The following EML6 variants were observed in gnomAD, a reference collection of about 807,000 sequenced individuals.
The protein encoded by EML6 is echinoderm microtubule-associated protein-like 6.
A neutral mutation model predicts 240.1 loss-of-function variants in EML6; 154 were observed. The observed-to-expected ratio is 0.64, with a 90% CI of 0.56 to 0.73. The LOEUF (loss-of-function observed/expected upper bound fraction) is 0.73, where lower values mean the gene tolerates loss of function less well. EML6 is among the 30% of genes least tolerant of loss of function. EML6 has a pLI of 0.00. For missense variants in EML6, 2,964 were observed against 2,474.6 expected (o/e 1.20, Z -4.20); for synonymous variants, 1,148 against 899.0 (o/e 1.28, Z -4.95).
intron 31 of EML6, among the ~76,000 whole-genome samples, chr2:54,952,944 T>C (rs1414400303): frequency 6.6e-6 from 1 of 152,136 alleles, no homozygotes; most frequent in Non-Finnish European, 1.5e-5. Flanking sequence ...CCCTGTGGAC[T>C]TGTAAGAATA....
chr2:54,769,741 C>T (rs993139965), intron 2 of EML6, among the ~76,000 whole-genome samples: 2 of 152,154 alleles, frequency 1.3e-5, no homozygotes, highest in Admixed American at 6.5e-5. Flanking sequence ...GTGATTAGAA[C>T]ATTTCACATA....
chr2:54,742,638 G>A (rs1334832330), intron 2 of EML6, among the ~76,000 whole-genome samples: 1 of 152,100 alleles, frequency 6.6e-6, no homozygotes, highest in Non-Finnish European at 1.5e-5. Context: ...AAAAAGCTAG[G>A]GCTTCAGTGC....
chr2:54,781,974 A>G (rs1668875262), intron 2 of EML6, among the ~76,000 whole-genome samples: 1 of 152,122 alleles, frequency 6.6e-6, no homozygotes, highest in African/African-American at 2.4e-5. Context: ...TGGACTACAA[A>G]TATATCTTTT....
At chr2:54,788,224 G>C (rs1167213552) in intron 2 of EML6, among the ~76,000 whole-genome samples, 2 of 152,232 alleles carry the variant, frequency 1.3e-5, no homozygotes, top group African/African-American at 4.8e-5. Flanking sequence ...GGTTCCAGAT[G>C]GCTCCCGCTT....
chr2:54,843,028 GTT>G (rs921919935), intron 7 of EML6, among the ~76,000 whole-genome samples: 2 of 152,142 alleles, frequency 1.3e-5, no homozygotes, highest in African/African-American at 4.8e-5. Context: ...TATTAAACTT[GTT>G]TAATATGATC....
chr2:54,916,328 T>C (rs1485945342), intron 25 of EML6, among the ~76,000 whole-genome samples: 1 of 152,210 alleles, frequency 6.6e-6, no homozygotes, highest in Non-Finnish European at 1.5e-5. Context: ...GGTATGCTAC[T>C]GGCATCCAGT....
intron 11 of EML6, among the ~76,000 whole-genome samples, chr2:54,856,523 G>C (rs1352703699): frequency 6.6e-6 from 1 of 152,220 alleles, no homozygotes; most frequent in Non-Finnish European, 1.5e-5. Flanking sequence ...CCCATGATGA[G>C]TGTCCTGAAT....
At chr2:54,895,774 G>C (rs1385568994) in intron 21 of EML6, among the ~76,000 whole-genome samples, 7 of 152,122 alleles carry the variant, frequency 4.6e-5, no homozygotes, top group Non-Finnish European at 7.3e-5. Flanking sequence ...AGGACTAAAG[G>C]CTTTTTTTTT....
chr2:54,874,657 C>T (rs1242243291), intron 16 of EML6, among the ~76,000 whole-genome samples: 2 of 152,094 alleles, frequency 1.3e-5, no homozygotes, highest in African/African-American at 4.8e-5. Flanking sequence ...TTGACTGATA[C>T]GTGATTCATT....
chr2:54,891,192 G>A, intron 18 of EML6, 38 bp downstream of exon 18: 1 of 1,032,318 alleles, frequency 9.7e-7, no homozygotes, highest in Non-Finnish European at 1.4e-6. Context: ...GTGATTGAGA[G>A]CTTTACCCTA....
chr2:54,800,498 C>T (rs917498327), intron 2 of EML6, among the ~76,000 whole-genome samples: 1 of 152,068 alleles, frequency 6.6e-6, no homozygotes, highest in African/African-American at 2.4e-5. Context: ...CTAAAATAAT[C>T]GGTCTTCAGA....
At chr2:54,730,109 C>G (rs1683088113) in intron 2 of EML6, among the ~76,000 whole-genome samples, 1 of 151,246 alleles carries the variant, frequency 6.6e-6, no homozygotes, top group Non-Finnish European at 1.5e-5. Context: ...GCACTCCAGC[C>G]TGGGCGACAA....
rs2104352516 is a variant in EML6, at chr2:54,724,601, T to G, written c.-461T>G. On this transcript the variant is annotated 5_prime_UTR_variant, in exon 2 of 42. Transcript: ENST00000356458. This position sits in a 1 kb window ranked among gnomAD's most constrained non-coding sequence, Gnocchi z 5.2. ...GATGGCAGAGCTCACCCGGGTTGCC[T>G]GTCAAATCAAGGCTATCGCAGAATA... 1 of 152,332 alleles carries G rather than the reference T, an allele frequency of 6.6e-6. No individual in the cohort carries two copies. Among genetic ancestry groups the G allele is most frequent in the Middle Eastern group, 3.4e-3 (1 of 296 alleles). The allele number at this position is 152,332 out of a possible 1,614,324, so 9.4% of individuals were successfully genotyped here. A position where few individuals can be genotyped will look rare whatever the true frequency, so the allele number is the denominator to read the frequency against.
chr2:54,822,605 T>G (rs1035504614), intron 5 of EML6, among the ~76,000 whole-genome samples: 1 of 152,212 alleles, frequency 6.6e-6, no homozygotes, highest in Non-Finnish European at 1.5e-5. Context: ...TGGGAAATAT[T>G]CAAAATCTAT....
intron 11 of EML6, among the ~76,000 whole-genome samples, chr2:54,854,427 T>C (rs1670262049): frequency 6.6e-6 from 1 of 152,226 alleles, no homozygotes; most frequent in Admixed American, 6.5e-5. Flanking sequence ...TTGACTTCAG[T>C]TATGTGGCAC....
At chr2:54,933,433 T>C (rs1268983885) in intron 28 of EML6, among the ~76,000 whole-genome samples, 1 of 152,136 alleles carries the variant, frequency 6.6e-6, no homozygotes, top group Non-Finnish European at 1.5e-5. Context: ...ATGGCCCCAT[T>C]TAAAACTATT....
At chr2:54,842,037 G>T (rs759786853) in intron 7 of EML6, among the ~76,000 whole-genome samples, 1 of 151,948 alleles carries the variant, frequency 6.6e-6, no homozygotes, top group Non-Finnish European at 1.5e-5. Context: ...CACCAGAGTG[G>T]TACATTTGTT....
chr2:54,828,723 CATT>C (rs1327227586), intron 6 of EML6, among the ~76,000 whole-genome samples: 1 of 152,200 alleles, frequency 6.6e-6, no homozygotes, highest in African/African-American at 2.4e-5. Flanking sequence ...CTTATGTCAA[CATT>C]ATATTCTTGC....
Position 54,961,184 on chromosome 2 carries a change from G to GTTGTTTTTTTTTTTGTTTTTTTTTTT in EML6, c.4968+852_4968+853insGTTTTTTTTTTTGTTTTTTTTTTTTT. On this transcript the variant is annotated intron_variant, in intron 35 of 41. Coordinates refer to ENST00000356458, the MANE Select transcript of EML6 (RefSeq NM_001039753.4). Reference sequence around the variant, plus strand: ...GGAGCCTGGAAGTTATCAGGAAGTAGTTTTTTTTTTTTTTTTTTTGAGACG... The same window carrying GTTGTTTTTTTTTTTGTTTTTTTTTTT: ...GGAGCCTGGAAGTTATCAGGAAGTAGTTGTTTTTTTTTTTGTTTTTTTTTTTTTTTTTTTTTTTTTTTTTTGAGACG... Among the ~76,000 whole-genome samples, 9 of 55,422 alleles carry GTTGTTTTTTTTTTTGTTTTTTTTTTT rather than the reference G, an allele frequency of 1.6e-4. 2 individuals are homozygous for GTTGTTTTTTTTTTTGTTTTTTTTTTT. The highest frequency in any genetic ancestry group is 2.5e-4 in the Non-Finnish European group (8 of 31,668). 36.4% of individuals were successfully genotyped at this position (55,422 alleles called of 152,430 possible). A position where few individuals can be genotyped will look rare whatever the true frequency, so the allele number is the denominator to read the frequency against.
Sources: allele counts gnomAD v4.1 joint callset (sites outside exome capture counted in the v4.1 genomes callset), GRCh38; gene constraint gnomAD v4.1.1; non-coding constraint Gnocchi (gnomAD v3.1); transcripts MANE v1.5; gene names NCBI Gene and HGNC (gene_info 2026-07-23, HGNC 2026-07-21).